CADPS: variants seen among roughly 807,000 people sequenced by gnomAD.
CADPS encodes the protein calcium-dependent secretion activator 1.
Under a neutral mutation model 167.3 loss-of-function variants are expected in CADPS, and 57 were observed. That is an observed-to-expected ratio of 0.34 (90% CI 0.28 to 0.42). The LOEUF (loss-of-function observed/expected upper bound fraction) is 0.42, where lower values mean the gene tolerates loss of function less well. Among genes scored for constraint, CADPS ranks in the 20% least tolerant of loss-of-function variants. CADPS has a pLI of 1.00. For synonymous variants in CADPS, 676 were observed against 635.3 expected (o/e 1.06, Z -0.96); for missense variants, 1,414 against 1,738.1 (o/e 0.81, Z 3.32).
chr3:62,846,873 G>A (rs904982540), intron 1 of CADPS, among the ~76,000 whole-genome samples: 2 of 152,086 alleles, frequency 1.3e-5, no homozygotes, highest in East Asian at 3.9e-4. Context: ...TCGCCATGTT[G>A]GTCAGGCTAT....
At chr3:62,616,343 A>G (rs1452726382) in intron 6 of CADPS, among the ~76,000 whole-genome samples, 4 of 151,930 alleles carry the variant, frequency 2.6e-5, no homozygotes, top group Non-Finnish European at 4.4e-5. Context: ...TATATTGGTT[A>G]TGTTTAGTGT....
intron 6 of CADPS, among the ~76,000 whole-genome samples, chr3:62,629,131 G>A (rs1055333936): frequency 1.3e-4 from 20 of 152,056 alleles, no homozygotes; most frequent in Non-Finnish European, 4.4e-5. Context: ...TTTAGTGAGA[G>A]ATCATTTACA....
At chr3:62,652,656 TAGAGACAAAG>T (rs914034213) in intron 4 of CADPS, among the ~76,000 whole-genome samples, 1 of 147,770 alleles carries the variant, frequency 6.8e-6, no homozygotes, top group Admixed American at 6.8e-5. Flanking sequence ...GAGAAAGAGG[TAGAGACAAAG>T]AGAGAGAAGA....
chr3:62,513,373 T>C (rs2068280996), intron 16 of CADPS, among the ~76,000 whole-genome samples: 1 of 152,028 alleles, frequency 6.6e-6, no homozygotes, highest in African/African-American at 2.4e-5. Context: ...TAAAAATGCA[T>C]TCAGGTCACA....
At chr3:62,591,027 T>C (rs2085889122) in intron 7 of CADPS, among the ~76,000 whole-genome samples, 1 of 151,750 alleles carries the variant, frequency 6.6e-6, no homozygotes, top group African/African-American at 2.4e-5. Flanking sequence ...GCTAATTTTT[T>C]TGGTATTTTT....
intron 9 of CADPS, among the ~76,000 whole-genome samples, chr3:62,567,452 GCA>G (rs2080431881): frequency 6.6e-6 from 1 of 151,310 alleles, no homozygotes; most frequent in Non-Finnish European, 1.5e-5. Context: ...CTGAAACAGT[GCA>G]CAGTCTATCG....
intron 12 of CADPS, among the ~76,000 whole-genome samples, chr3:62,534,158 T>C (rs1561791301): frequency 6.6e-6 from 1 of 152,240 alleles, no homozygotes; most frequent in Non-Finnish European, 1.5e-5. Context: ...AATAAACCAA[T>C]TTAGGTGATA....
At chr3:62,499,092 G>A (rs531525598) in intron 18 of CADPS, 70 bp downstream of exon 18, 1 of 896,870 alleles carries the variant, frequency 1.1e-6, no homozygotes, top group Admixed American at 1.9e-5. Context: ...TTCACAATCT[G>A]GCTGGGAAAA....
intron 13 of CADPS, among the ~76,000 whole-genome samples, chr3:62,526,032 C>T (rs1235624882): frequency 5.9e-5 from 9 of 152,104 alleles, no homozygotes; most frequent in Non-Finnish European, 8.8e-5. Flanking sequence ...TTGTGACACA[C>T]TGGGGAGAAA....
intron 6 of CADPS, among the ~76,000 whole-genome samples, chr3:62,641,146 A>G (rs951430081): frequency 6.6e-6 from 1 of 152,208 alleles, no homozygotes. Flanking sequence ...GCTACAAAAG[A>G]CAAAACAGCA....
Position 62,843,492 on chromosome 3 carries a change from G to GGTGTGTGTGTGT in CADPS, c.441+31085_441+31096dup, listed in dbSNP as rs150223612. Among the ~76,000 whole-genome samples, 398 of 149,106 alleles carry GGTGTGTGTGTGT rather than the reference G, an allele frequency of 2.7e-3. 2 individuals are homozygous for GGTGTGTGTGTGT. Among genetic ancestry groups the GGTGTGTGTGTGT allele is most frequent in the South Asian group, 0.011 (50 of 4,696 alleles). On this transcript the variant is annotated intron_variant, in intron 1 of 29. Coordinates refer to ENST00000383710, the MANE Select transcript of CADPS (RefSeq NM_003716.4). Reference sequence around the variant, plus strand: ...GTGATATATACAAGATGGCAGTTGGGGTGTGTGTGTGTGTGTGTGTGTGTG... The same window carrying GGTGTGTGTGTGT: ...GTGATATATACAAGATGGCAGTTGGGGTGTGTGTGTGTGTGTGTGTGTGTGTGTGTGTGTGTG...
At chr3:62,564,945 A>ATTT (rs2079869182) in intron 9 of CADPS, among the ~76,000 whole-genome samples, 1 of 152,170 alleles carries the variant, frequency 6.6e-6, no homozygotes, top group Non-Finnish European at 1.5e-5. Context: ...TATTTTTTAA[A>ATTT]TAAAAAGATG....
intron 3 of CADPS, among the ~76,000 whole-genome samples, chr3:62,726,156 G>C (rs985494137): frequency 6.6e-6 from 1 of 151,792 alleles, no homozygotes; most frequent in South Asian, 2.1e-4. Flanking sequence ...TCCATCCTTG[G>C]GTAATTGAAG....
intron 24 of CADPS, chr3:62,467,299 C>T: frequency 8.0e-7 from 1 of 1,256,294 alleles, no homozygotes; most frequent in Non-Finnish European, 1.0e-6. Flanking sequence ...TGCACTTACC[C>T]ACATTTTAGC....
At chr3:62,571,079 G>A in intron 8 of CADPS, 141 bp from the exon 9 acceptor site, 1 of 662,804 alleles carries the variant, frequency 1.5e-6, no homozygotes, top group Non-Finnish European at 2.7e-6. Context: ...GGAGCTCTGT[G>A]GTTGAGCATA....
intron 13 of CADPS, among the ~76,000 whole-genome samples, chr3:62,529,480 C>A (rs56694737): frequency 8.4e-4 from 128 of 152,340 alleles, no homozygotes; most frequent in African/African-American, 2.9e-3. Context: ...TTCCGTCAGA[C>A]CTCACCTTCA....
At position 62,601,162 on chromosome 3, in the gene CADPS, G is replaced by A. The variant is rs551694627; in HGVS notation, c.1326-8414C>T. Among the ~76,000 whole-genome samples, 25 of 152,150 alleles carry A rather than the reference G, an allele frequency of 1.6e-4. No individual in the cohort carries two copies. Among genetic ancestry groups the A allele is most frequent in the African/African-American group, 5.5e-4 (23 of 41,508 alleles). ...TATGTATGGCTCATAAGCTAATAAG[G>A]GCTTTGTATTTTCAAATGGCTGAAA... On this transcript the variant is annotated intron_variant, in intron 6 of 29. Transcript: ENST00000383710. This position sits in a 1 kb window ranked among gnomAD's most constrained non-coding sequence, Gnocchi z 4.3.
At chr3:62,748,478 T>C (rs529876741) in intron 3 of CADPS, among the ~76,000 whole-genome samples, 1 of 151,968 alleles carries the variant, frequency 6.6e-6, no homozygotes. Context: ...ACTTATAAAG[T>C]TAAGCAGAGG....
intron 1 of CADPS, among the ~76,000 whole-genome samples, chr3:62,779,941 G>T (rs1464138751): frequency 6.6e-6 from 1 of 152,220 alleles, no homozygotes; most frequent in Non-Finnish European, 1.5e-5. Context: ...GAATTAGGTT[G>T]TCATTTGATG....
Sources: allele counts gnomAD v4.1 joint callset (sites outside exome capture counted in the v4.1 genomes callset), GRCh38; gene constraint gnomAD v4.1.1; non-coding constraint Gnocchi (gnomAD v3.1); transcripts MANE v1.5; gene names NCBI Gene and HGNC (gene_info 2026-07-23, HGNC 2026-07-21).